The following IL1RAPL2 variants were observed in gnomAD, a reference collection of about 807,000 sequenced individuals.
The protein encoded by IL1RAPL2 is interleukin 1 receptor accessory protein like 2.
Under a neutral mutation model 44.1 loss-of-function variants are expected in IL1RAPL2, and 3 were observed. That is an observed-to-expected ratio of 0.07 (90% CI 0.03 to 0.18). IL1RAPL2 has a LOEUF of 0.18. IL1RAPL2 is among the 10% of genes least tolerant of loss of function. The probability of loss-of-function intolerance (pLI) is 1.00; values close to 1 mark genes in which losing one functional copy is unlikely to be tolerated. For synonymous variants in IL1RAPL2, 181 were observed against 178.8 expected, an observed-to-expected ratio of 1.01 and a Z score of -0.10; for missense variants, 391 against 496.4, an observed-to-expected ratio of 0.79 and a Z score of 2.02.
intron 2 of IL1RAPL2, among the ~76,000 whole-genome samples, chrX:104,799,251 G>A (rs776702621): frequency 2.7e-5 from 3 of 111,491 alleles, no homozygotes; most frequent in Non-Finnish European, 5.7e-5. Flanking sequence ...TGCTGCGCCT[G>A]GATTAGCCTT....
At chrX:105,388,322 G>GTTT (rs1489573227) in intron 5 of IL1RAPL2, among the ~76,000 whole-genome samples, 14 of 82,510 alleles carry the variant, frequency 1.7e-4, no homozygotes, top group Non-Finnish European at 3.2e-4. Flanking sequence ...ACAGCAAGAT[G>GTTT]TTTTGGGTCA....
chrX:105,180,012 G>A (rs1054126061), intron 2 of IL1RAPL2, among the ~76,000 whole-genome samples: 15 of 108,599 alleles, frequency 1.4e-4, no homozygotes, highest in African/African-American at 3.4e-4. Flanking sequence ...TGGCTAGGAC[G>A]TCCAGTACTA....
At chrX:104,712,955 A>G (rs1225052471) in intron 2 of IL1RAPL2, among the ~76,000 whole-genome samples, 1 of 111,080 alleles carries the variant, frequency 9.0e-6, no homozygotes, top group Non-Finnish European at 1.9e-5. Context: ...GATTGATAAT[A>G]AAAACAGGTC....
At chrX:104,636,511 A>G (rs748020771) in intron 1 of IL1RAPL2, among the ~76,000 whole-genome samples, 3 of 112,116 alleles carry the variant, frequency 2.7e-5, no homozygotes, top group East Asian at 5.7e-4. Context: ...CTTCCTGGCC[A>G]CTTTGTTTGC....
chrX:104,995,476 T>C (rs866609981), intron 2 of IL1RAPL2, among the ~76,000 whole-genome samples: 9 of 111,725 alleles, frequency 8.1e-5, no homozygotes, highest in African/African-American at 1.6e-4. Flanking sequence ...CCTAGAGTTA[T>C]GATATTATAC....
At chrX:105,435,261 G>T (rs1264807291) in intron 5 of IL1RAPL2, among the ~76,000 whole-genome samples, 1 of 111,654 alleles carries the variant, frequency 9.0e-6, no homozygotes, top group Admixed American at 9.5e-5. Flanking sequence ...GTCAATGGTA[G>T]TTTGGTGGGA....
At chrX:105,130,956 G>A (rs1380285055) in intron 2 of IL1RAPL2, among the ~76,000 whole-genome samples, 1 of 111,064 alleles carries the variant, frequency 9.0e-6, no homozygotes, top group African/African-American at 3.3e-5. Context: ...AAAAGCAAAT[G>A]TTAGATTTCT....
intron 2 of IL1RAPL2, among the ~76,000 whole-genome samples, chrX:105,123,500 C>T (rs1302613466): frequency 9.0e-6 from 1 of 110,612 alleles, no homozygotes; most frequent in East Asian, 2.8e-4. Flanking sequence ...GCACATTTTC[C>T]ACACTACTGG....
intron 2 of IL1RAPL2, among the ~76,000 whole-genome samples, chrX:105,136,258 T>C (rs1318685440): frequency 8.9e-6 from 1 of 111,803 alleles, no homozygotes; most frequent in Non-Finnish European, 1.9e-5. Flanking sequence ...CAGAATATGG[T>C]TATATATTTT....
intron 8 of IL1RAPL2, among the ~76,000 whole-genome samples, chrX:105,748,464 A>T (rs988629980): frequency 3.6e-5 from 4 of 112,589 alleles, no homozygotes; most frequent in African/African-American, 1.3e-4. Flanking sequence ...GGGTTAAATG[A>T]AACAGTTAAA....
intron 5 of IL1RAPL2, among the ~76,000 whole-genome samples, chrX:105,351,299 A>G (rs982644355): frequency 4.5e-5 from 5 of 111,826 alleles, no homozygotes; most frequent in Non-Finnish European, 7.5e-5. Flanking sequence ...CCAAAGGAAT[A>G]TAAATCATTC....
At chrX:104,890,984 A>G (rs896699737) in intron 2 of IL1RAPL2, among the ~76,000 whole-genome samples, 2 of 111,943 alleles carry the variant, frequency 1.8e-5, no homozygotes, top group South Asian at 3.7e-4. Context: ...TATAAGGTGT[A>G]AGGAAGGGAT....
rs1339484426 is a variant in IL1RAPL2, at chrX:104,566,448, C to G, written c.-623C>G. ...AGCGAACAGGAGGGAGAGAGGTGGA[C>G]AGGCAGAGTCTGCACCTGCCGCCTG... is the stretch of plus-strand genomic sequence containing the variant. On this transcript the variant is annotated 5_prime_UTR_variant, in exon 1 of 11. Coordinates refer to ENST00000372582, the MANE Select transcript of IL1RAPL2 (RefSeq NM_017416.2). The G allele has an allele frequency of 1.8e-5, 2 of 112,898 alleles. No homozygotes were observed. Among genetic ancestry groups the G allele is most frequent in the Admixed American group, 9.3e-5 (1 of 10,782 alleles). The allele number at this position is 112,898 out of a possible 1,213,427, so 9.3% of individuals were successfully genotyped here. A position where few individuals can be genotyped will look rare whatever the true frequency, so the allele number is the denominator to read the frequency against.
At chrX:104,654,448 A>T in intron 1 of IL1RAPL2, among the ~76,000 whole-genome samples, 1 of 110,746 alleles carries the variant, frequency 9.0e-6, no homozygotes, top group Middle Eastern at 4.2e-3. Context: ...CCGTGGGGAA[A>T]AAAAAATGCC....
intron 4 of IL1RAPL2, among the ~76,000 whole-genome samples, chrX:105,260,033 G>A (rs903691286): frequency 8.9e-6 from 1 of 112,410 alleles, no homozygotes; most frequent in African/African-American, 3.2e-5. Flanking sequence ...TTCATCCCCG[G>A]GAGATATGGA....
In IL1RAPL2 at chrX:105,128,728, C is replaced by A. The variant is rs763038243; in HGVS notation, c.83-66747C>A. ...GACCCACTACTTCTAGCTCTTGCTT[C>A]TAGTTTTCCTTGCATTGCCCTCTAG... On this transcript the variant is annotated intron_variant, in intron 2 of 10. Coordinates refer to ENST00000372582, the MANE Select transcript of IL1RAPL2 (RefSeq NM_017416.2). 4.5e-5 allele frequency among the ~76,000 whole-genome samples: 5 copies of A among 111,356 alleles called. No individual in the cohort carries two copies. In the East Asian group the frequency reaches 1.4e-3, roughly 32 times the overall value.
intron 1 of IL1RAPL2, among the ~76,000 whole-genome samples, chrX:104,636,461 C>G (rs772824644): frequency 1.2e-4 from 13 of 112,310 alleles, no homozygotes; most frequent in Non-Finnish European, 2.1e-4. Context: ...CAGATGCAGG[C>G]AGGTCTCCTT....
chrX:105,080,743 A>G (rs960554665), intron 2 of IL1RAPL2, among the ~76,000 whole-genome samples: 4 of 111,821 alleles, frequency 3.6e-5, no homozygotes, highest in Non-Finnish European at 5.6e-5. Context: ...GTTTTTTCCA[A>G]TTCTGTGAAG....
intron 3 of IL1RAPL2, among the ~76,000 whole-genome samples, chrX:105,233,478 G>T (rs1343742640): frequency 2.7e-5 from 3 of 111,924 alleles, no homozygotes. Flanking sequence ...TACAGCTCCA[G>T]TTATAGAGAG....
Sources: allele counts gnomAD v4.1 joint callset (sites outside exome capture counted in the v4.1 genomes callset), GRCh38; gene constraint gnomAD v4.1.1; transcripts MANE v1.5; gene names NCBI Gene and HGNC (gene_info 2026-07-23, HGNC 2026-07-21).